The following SCFD1 variants were observed in gnomAD, a reference collection of about 807,000 sequenced individuals.
SCFD1 encodes the protein sec1 family domain-containing protein 1.
SCFD1 carries 37 observed loss-of-function variants against 103.2 expected under a neutral mutation model. That is an observed-to-expected ratio of 0.36 (90% CI 0.28 to 0.47). The LOEUF is 0.47. Ranked by LOEUF, SCFD1 falls within the 20% of genes least tolerant of loss-of-function variation. SCFD1 has a pLI of 1.00. For synonymous variants in SCFD1, 264 were observed against 245.0 expected, an observed-to-expected ratio of 1.08 and a Z score of -0.73; for missense variants, 639 against 761.2, an observed-to-expected ratio of 0.84 and a Z score of 1.89.
intron 13 of SCFD1, among the ~76,000 whole-genome samples, chr14:30,674,517 G>A (rs1301881172): frequency 6.6e-6 from 1 of 152,044 alleles, no homozygotes; most frequent in Non-Finnish European, 1.5e-5. Context: ...GAGTGGTGGT[G>A]CACGCCTGTA....
intron 14 of SCFD1, among the ~76,000 whole-genome samples, chr14:30,677,457 T>C (rs1323950059): frequency 6.6e-6 from 1 of 152,334 alleles, no homozygotes; most frequent in Non-Finnish European, 1.5e-5. Flanking sequence ...TAGAACACAC[T>C]ACTCCTAGTT....
chr14:30,707,720 T>C, intron 18 of SCFD1: 1 of 420,078 alleles, frequency 2.4e-6, no homozygotes, highest in Non-Finnish European at 4.5e-6. Context: ...AATTAAGATG[T>C]TTATTTTGAG....
intron 20 of SCFD1, among the ~76,000 whole-genome samples, chr14:30,716,405 T>C (rs1282128361): frequency 6.6e-6 from 1 of 152,188 alleles, no homozygotes; most frequent in Non-Finnish European, 1.5e-5. Context: ...GGCACTAAAT[T>C]CTTTTGGGCT....
intron 3 of SCFD1, among the ~76,000 whole-genome samples, chr14:30,633,746 A>G (rs1165539377): frequency 6.6e-6 from 1 of 152,206 alleles, no homozygotes; most frequent in Admixed American, 6.5e-5. Context: ...ATGAAGACTA[A>G]CAAGAAATTA....
At chr14:30,696,843 A>G (rs1253296073) in intron 15 of SCFD1, among the ~76,000 whole-genome samples, 1 of 152,228 alleles carries the variant, frequency 6.6e-6, no homozygotes, top group African/African-American at 2.4e-5. Flanking sequence ...CCATGGAAGC[A>G]GAGATGGGAT....
At chr14:30,632,031 G>A (rs977124086) in intron 3 of SCFD1, among the ~76,000 whole-genome samples, 2 of 121,188 alleles carry the variant, frequency 1.7e-5, no homozygotes, top group Non-Finnish European at 3.2e-5. Context: ...CTGGGCAGCA[G>A]AGCAAGATTC....
At chr14:30,729,698 T>C (rs951297085) in intron 23 of SCFD1, among the ~76,000 whole-genome samples, 4 of 152,210 alleles carry the variant, frequency 2.6e-5, no homozygotes, top group African/African-American at 9.7e-5. Context: ...AATTTGCAAA[T>C]GTCTACAAAG....
intron 17 of SCFD1, among the ~76,000 whole-genome samples, chr14:30,703,956 TATATATAA>T (rs1415194959): frequency 0.017 from 885 of 52,296 alleles, 57 homozygotes; most frequent in African/African-American, 0.068. Context: ...TATATATATA[TATATATAA>T]ATAATGAGAT....
At chr14:30,628,166 C>A in intron 1 of SCFD1, 43 bp from the exon 2 acceptor site, 1 of 1,450,992 alleles carries the variant, frequency 6.9e-7, no homozygotes, top group Non-Finnish European at 9.6e-7. Flanking sequence ...AAATAAAATC[C>A]TAAAAAACAA....
At chr14:30,662,350 T>G (rs1014378455) in intron 10 of SCFD1, among the ~76,000 whole-genome samples, 13 of 152,290 alleles carry the variant, frequency 8.5e-5, no homozygotes, top group Middle Eastern at 6.8e-3. Flanking sequence ...TAGGCGAGGA[T>G]GGAAGCCAAA....
intron 3 of SCFD1, among the ~76,000 whole-genome samples, chr14:30,632,125 T>G (rs1884231868): frequency 6.7e-6 from 1 of 149,982 alleles, no homozygotes; most frequent in Non-Finnish European, 1.5e-5. Flanking sequence ...TTCTGTATAC[T>G]AAAAGAGTCC....
chr14:30,654,441 A>C (rs1034895104), intron 10 of SCFD1, among the ~76,000 whole-genome samples: 4 of 152,252 alleles, frequency 2.6e-5, no homozygotes, highest in African/African-American at 9.6e-5. Context: ...TGGGAGGCCA[A>C]GGCAGGCGGA....
intron 16 of SCFD1, among the ~76,000 whole-genome samples, chr14:30,701,362 C>T (rs1433077340): frequency 6.6e-6 from 1 of 152,134 alleles, no homozygotes; most frequent in Non-Finnish European, 1.5e-5. Context: ...TGAGACCAGC[C>T]TGGCCAACAT....
chr14:30,684,849 G>A (rs1594698012), intron 14 of SCFD1, among the ~76,000 whole-genome samples: 1 of 78,762 alleles, frequency 1.3e-5, no homozygotes, highest in Admixed American at 1.6e-4. Flanking sequence ...TAGGGTACAT[G>A]TGCACATTGT....
chr14:30,731,915 C>A (rs981614356), intron 23 of SCFD1, among the ~76,000 whole-genome samples: 1 of 152,190 alleles, frequency 6.6e-6, no homozygotes, highest in African/African-American at 2.4e-5. Flanking sequence ...TGAGAGAGGG[C>A]ATCCCTGTCT....
chr14:30,626,345 GCCCTGAGAATGA>G, intron 1 of SCFD1, among the ~76,000 whole-genome samples: 1 of 152,142 alleles, frequency 6.6e-6, no homozygotes, highest in South Asian at 2.1e-4. Flanking sequence ...ACTTAAGCGT[GCCCTGAGAATGA>G]CCCTGTATTG....
intron 10 of SCFD1, among the ~76,000 whole-genome samples, chr14:30,654,823 T>C (rs1417458373): frequency 1.3e-5 from 2 of 152,226 alleles, no homozygotes; most frequent in African/African-American, 2.4e-5. Context: ...GCCATGACTC[T>C]AGGATGAGTG....
chr14:30,649,884 T>G (rs1292708039), intron 8 of SCFD1, among the ~76,000 whole-genome samples: 1 of 152,182 alleles, frequency 6.6e-6, no homozygotes, highest in East Asian at 1.9e-4. Context: ...TTACACTTAT[T>G]TGATCCCCCA....
At chr14:30,661,794 C>T (rs944217235) in intron 10 of SCFD1, among the ~76,000 whole-genome samples, 1 of 152,084 alleles carries the variant, frequency 6.6e-6, no homozygotes, top group African/African-American at 2.4e-5. Context: ...TTAACATTTT[C>T]TCTTGTGGAA....
Sources: gnomAD v4.1 joint callset for allele counts (sites outside exome capture counted in the v4.1 genomes callset) on GRCh38, gnomAD v4.1.1 for gene constraint, MANE v1.5 for transcripts, NCBI Gene and HGNC (gene_info 2026-07-23, HGNC 2026-07-21) for gene names.